Variants in LAP3 observed in about 807,000 individuals in gnomAD.
The protein encoded by LAP3 is leucine aminopeptidase 3, also known as cytosol aminopeptidase.
In LAP3, 46 loss-of-function variants were observed where a neutral mutation model predicts 58.8. That is an observed-to-expected ratio of 0.78 (90% CI 0.62 to 1.00). The LOEUF (loss-of-function observed/expected upper bound fraction) is 1.00. Ranked by LOEUF, LAP3 falls within the 50% of genes least tolerant of loss-of-function variation. LAP3 has a pLI of 0.00. For missense variants in LAP3, 615 were observed against 659.1 expected, an observed-to-expected ratio of 0.93 and a Z score of 0.73; for synonymous variants, 257 against 237.7, an observed-to-expected ratio of 1.08 and a Z score of -0.75.
Position 17,584,996 on chromosome 4 carries a change from A to G in LAP3, c.564A>G (p.Lys188=), listed in dbSNP as rs1429015393. The change falls in exon 6 of 13, where the codon AAA becomes AAG. Residue 188 remains lysine (K), a synonymous_variant. Coordinates refer to ENST00000226299, the MANE Select transcript of LAP3 (RefSeq NM_015907.3). ...YGSGDQEAWQ[K]GVLFASGQNL... ...GTGGGGATCAGGAGGCCTGGCAGAAAGGAGTCCTGTTTGCTTCTGGGCAGA... is the reference window on the plus strand; with the variant it reads ...GTGGGGATCAGGAGGCCTGGCAGAAGGGAGTCCTGTTTGCTTCTGGGCAGA... 1 of 1,614,120 alleles carries G rather than the reference A, an allele frequency of 6.2e-7. No individual in the cohort carries two copies. Among genetic ancestry groups the G allele is most frequent in the Non-Finnish European group, 8.5e-7 (1 of 1,179,994 alleles).
Position 17,577,373 on chromosome 4 carries a change from C to G in LAP3, c.-93C>G. 1.1e-6 allele frequency: 1 copy of G among 947,040 alleles called. No homozygotes were observed. The highest frequency in any genetic ancestry group is 1.5e-6 in the Non-Finnish European group (1 of 674,826). The allele number at this position is 947,040 out of a possible 1,614,324, so 58.7% of individuals were successfully genotyped here. ...CGCCCGAGCCAGTCCGCGCGCACGC[C>G]GTCTGCGCCCCGAAAGCCCCGCCCC... On this transcript the variant is annotated 5_prime_UTR_variant, in exon 1 of 13. Coordinates refer to ENST00000226299, the MANE Select transcript of LAP3 (RefSeq NM_015907.3).
At chr4:17,606,436 T>C (rs1714142343) in intron 11 of LAP3, among the ~76,000 whole-genome samples, 1 of 152,160 alleles carries the variant, frequency 6.6e-6, no homozygotes, top group South Asian at 2.1e-4. Flanking sequence ...CGTCCTGGGT[T>C]CAAGCAATTC....
At position 17,598,408 on chromosome 4, in the gene LAP3, A is replaced by G. The variant is rs199577307; in HGVS notation, c.1078-48A>G. 5.6e-5 allele frequency: 77 copies of G among 1,371,476 alleles called. No individual in the cohort carries two copies. The African/African-American group carries it at 8.9e-4, about 16-fold the overall frequency. 85.0% of individuals were successfully genotyped at this position (1,371,476 alleles called of 1,614,324 possible). On this transcript the variant is annotated intron_variant, in intron 9 of 12. Coordinates refer to ENST00000226299, the MANE Select transcript of LAP3 (RefSeq NM_015907.3). Reference sequence around the variant, plus strand: ...ACACTGTTGCAAGTGTCTAGTTTTCATATTCTTTACTTGCGCTGTCACCCT... The same window carrying G: ...ACACTGTTGCAAGTGTCTAGTTTTCGTATTCTTTACTTGCGCTGTCACCCT...
rs769606339 is a variant in LAP3 at position 17,582,353 on chromosome 4, C to T, written c.339C>T (p.Asn113=). The T allele has an allele frequency of 7.4e-6, 12 of 1,614,032 alleles. No individual in the cohort carries two copies. The highest frequency in any genetic ancestry group is 1.1e-5 in the South Asian group (1 of 91,070). Residue 113 remains asparagine, a synonymous_variant, in exon 4 of 13, where the codon AAC becomes AAT. Transcript: ENST00000226299. Reference sequence around the variant, plus strand: ...CAGCTGGAATCGACGAACAGGAAAACTGGCATGAAGGCAAAGAAAACATCA... The same window carrying T: ...CAGCTGGAATCGACGAACAGGAAAATTGGCATGAAGGCAAAGAAAACATCA... ...KKAAGIDEQE[N]WHEGKENIRA...
rs139403269 is a variant in LAP3, at chr4:17,598,916, T to G, written c.1180+358T>G. ...CAGTCCTGGCGAATTTTTGTATTTTTAGTAGAGACGGGGTTTTTGCCATGT... is the reference window on the plus strand; with the variant it reads ...CAGTCCTGGCGAATTTTTGTATTTTGAGTAGAGACGGGGTTTTTGCCATGT... On this transcript the variant is annotated intron_variant, in intron 10 of 12. Coordinates refer to ENST00000226299, the MANE Select transcript of LAP3 (RefSeq NM_015907.3). 9.5e-3 allele frequency among the ~76,000 whole-genome samples: 1,443 copies of G among 152,190 alleles called. 29 individuals carry two copies. The highest frequency in any genetic ancestry group is 0.033 in the African/African-American group (1,390 of 41,518).
At chr4:17,601,781 T>C (rs1287727641) in intron 10 of LAP3, among the ~76,000 whole-genome samples, 2 of 152,132 alleles carry the variant, frequency 1.3e-5, no homozygotes, top group African/African-American at 4.8e-5. Flanking sequence ...GTTTAGGGAA[T>C]AATGACAAGA....
At chr4:17,600,740 A>C (rs1179077611) in intron 10 of LAP3, among the ~76,000 whole-genome samples, 1 of 152,230 alleles carries the variant, frequency 6.6e-6, no homozygotes, top group Non-Finnish European at 1.5e-5. Flanking sequence ...AGAGGAGAAT[A>C]AGAACCAGTT....
rs150943244 is a variant in LAP3 at position 17,597,094 on chromosome 4, C to G, written c.1037C>G (p.Pro346Arg). ...ENMPSGKANK[P>R]GDVVRAKNGK... is the part of the protein sequence containing the mutation. Reference sequence around the variant, plus strand: ...ATGCCCAGCGGCAAGGCCAACAAGCCGGGGGATGTTGTTAGAGCCAAAAAC... The same window carrying G: ...ATGCCCAGCGGCAAGGCCAACAAGCGGGGGGATGTTGTTAGAGCCAAAAAC... Residue 346 changes from proline to arginine, a missense_variant, in exon 9 of 13, where the codon CCG becomes CGG. Transcript: ENST00000226299. 5.0e-6 allele frequency: 8 copies of G among 1,614,216 alleles called. No homozygotes were observed. The highest frequency in any genetic ancestry group is 6.8e-6 in the Non-Finnish European group (8 of 1,180,036).
At chr4:17,582,116 C>T in intron 3 of LAP3, 172 bp from the exon 4 acceptor site, 1 of 633,406 alleles carries the variant, frequency 1.6e-6, no homozygotes, top group Non-Finnish European at 2.8e-6. Flanking sequence ...TGCCAGGACA[C>T]AAAGGTTTTA....
At chr4:17,602,450 A>G (rs1560348951) in intron 10 of LAP3, among the ~76,000 whole-genome samples, 1 of 152,234 alleles carries the variant, frequency 6.6e-6, no homozygotes. Context: ...TTTTAAAAAT[A>G]TGCTAATTAA....
At chr4:17,602,865 A>G (rs1193675005) in intron 10 of LAP3, among the ~76,000 whole-genome samples, 1 of 151,784 alleles carries the variant, frequency 6.6e-6, no homozygotes, top group Non-Finnish European at 1.5e-5. Context: ...TATTTTTAGT[A>G]GAGACGGGGT....
At chr4:17,582,101 A>G (rs1233958905) in intron 3 of LAP3, 187 bp from the exon 4 acceptor site, 1 of 615,986 alleles carries the variant, frequency 1.6e-6, no homozygotes, top group African/African-American at 1.9e-5. Context: ...TAAGTTATAC[A>G]ATTTTGCCAG....
chr4:17,583,932 A>T (rs975192422), intron 5 of LAP3, among the ~76,000 whole-genome samples: 1 of 152,260 alleles, frequency 6.6e-6, no homozygotes, highest in Non-Finnish European at 1.5e-5. Context: ...GACATGACAG[A>T]CATATCCCAC....
At chr4:17,597,190 G>T in intron 9 of LAP3, 56 bp downstream of exon 9, 1 of 1,435,362 alleles carries the variant, frequency 7.0e-7, no homozygotes, top group Non-Finnish European at 9.8e-7. Context: ...GAATCCCGTG[G>T]TGGCCACATA....
At chr4:17,577,710 G>T (rs1033898870) in intron 1 of LAP3, 143 bp downstream of exon 1, 43 of 641,694 alleles carry the variant, frequency 6.7e-5, no homozygotes, top group Non-Finnish European at 1.1e-4. Context: ...TTCTCTCCTT[G>T]CGGGGATCGG....
At position 17,581,794 on chromosome 4, in the gene LAP3, A is replaced by G. The variant is rs1713371749; in HGVS notation, c.253A>G (p.Thr85Ala). 6.2e-7 allele frequency: 1 copy of G among 1,613,796 alleles called. No individual in the cohort carries two copies. Among genetic ancestry groups the G allele is most frequent in the Non-Finnish European group, 8.5e-7 (1 of 1,179,834 alleles). Reference sequence around the variant, plus strand: ...ACCTCTGAAGGCAGGGAAGACTCGAACCTTTTATGGTCTGCATCAGGTATG... The same window carrying G: ...ACCTCTGAAGGCAGGGAAGACTCGAGCCTTTTATGGTCTGCATCAGGTATG... ...GPPLKAGKTR[T>A]FYGLHQDFPS... Residue 85 changes from threonine to alanine, a missense_variant, in exon 3 of 13, where the codon ACC (threonine) becomes GCC (alanine). Thr to Ala is a moderately conservative substitution (Grantham distance 58). Coordinates refer to ENST00000226299, the MANE Select transcript of LAP3 (RefSeq NM_015907.3).
In LAP3 at chr4:17,598,507, T is replaced by TCA. The variant is rs1713888534; in HGVS notation, c.1129_1130insCA (p.Tyr377SerfsTer17). The TCA allele has an allele frequency of 6.2e-7, 1 of 1,614,184 alleles. No homozygotes were observed. The highest frequency in any genetic ancestry group is 8.5e-7 in the Non-Finnish European group (1 of 1,180,026). ...GCTCATACTGGCTGATGCGCTCTGT[T>TCA]ACGCACACACGTTTAACCCGAAGGT... is the stretch of plus-strand genomic sequence containing the variant. On this transcript the variant is annotated frameshift_variant, in exon 10 of 13. Transcript: ENST00000226299. LOFTEE classifies it high-confidence loss of function.
chr4:17,597,208 C>CTAG, intron 9 of LAP3, 74 bp downstream of exon 9: 1 of 1,226,332 alleles, frequency 8.2e-7, no homozygotes, highest in South Asian at 1.2e-5. Flanking sequence ...ATAACCACAG[C>CTAG]TAGGATGCGT....
At chr4:17,591,486 A>G (rs1713689018) in intron 7 of LAP3, among the ~76,000 whole-genome samples, 2 of 152,118 alleles carry the variant, frequency 1.3e-5, no homozygotes, top group South Asian at 4.1e-4. Context: ...TTTTTATGCT[A>G]AGGGTGAAGT....
Sources: allele counts gnomAD v4.1 joint callset (sites outside exome capture counted in the v4.1 genomes callset), GRCh38; gene constraint gnomAD v4.1.1; transcripts MANE v1.5; gene names NCBI Gene and HGNC (gene_info 2026-07-23, HGNC 2026-07-21).